ZBTB20: variants seen among roughly 807,000 people sequenced by gnomAD.
The protein encoded by ZBTB20 is zinc finger and BTB domain containing 20, also known as zinc finger and BTB domain-containing protein 20.
Under a neutral mutation model 56.9 loss-of-function variants are expected in ZBTB20, and 9 were observed. The ratio of observed to expected loss-of-function variants is 0.16; its 90% confidence interval spans 0.10 to 0.28. The LOEUF is 0.28. Ranked by LOEUF, ZBTB20 falls within the 10% of genes least tolerant of loss-of-function variation. ZBTB20 has a pLI of 1.00. For synonymous variants in ZBTB20, 417 were observed against 420.7 expected (o/e 0.99, Z 0.11); for missense variants, 655 against 1,003.0 (o/e 0.65, Z 4.69).
chr3:114,494,189 G>T (rs913756380), intron 7 of ZBTB20, among the ~76,000 whole-genome samples: 8 of 152,264 alleles, frequency 5.3e-5, no homozygotes, highest in Middle Eastern at 3.4e-3. Context: ...ATTATTAGTT[G>T]AACAAGAAAC....
intron 2 of ZBTB20, among the ~76,000 whole-genome samples, chr3:115,040,700 C>T (rs756105444): frequency 1.3e-4 from 20 of 152,030 alleles, no homozygotes; most frequent in Non-Finnish European, 2.8e-4. Flanking sequence ...ATCTTGGGCA[C>T]AAAGAAATGT....
chr3:114,885,891 T>G (rs982663101), intron 4 of ZBTB20, among the ~76,000 whole-genome samples: 1 of 152,214 alleles, frequency 6.6e-6, no homozygotes, highest in Non-Finnish European at 1.5e-5. Context: ...CTGGTTCTGA[T>G]TAATTAATAT....
intron 7 of ZBTB20, among the ~76,000 whole-genome samples, chr3:114,408,923 C>T (rs1425045153): frequency 3.3e-5 from 5 of 152,024 alleles, no homozygotes; most frequent in African/African-American, 7.2e-5. Context: ...GGGAGAGCAG[C>T]GCTCGTCCGC....
intron 2 of ZBTB20, among the ~76,000 whole-genome samples, chr3:115,002,222 A>T (rs921623586): frequency 4.0e-5 from 6 of 151,684 alleles, no homozygotes; most frequent in African/African-American, 1.4e-4. Context: ...ACAAAATTTA[A>T]CTCAAAATAA....
chr3:114,564,531 A>T (rs894580998), intron 6 of ZBTB20, among the ~76,000 whole-genome samples: 6 of 152,182 alleles, frequency 3.9e-5, no homozygotes, highest in Non-Finnish European at 8.8e-5. Context: ...ACAACTCTCC[A>T]GTTTCTCTTC....
intron 6 of ZBTB20, among the ~76,000 whole-genome samples, chr3:114,515,027 G>C (rs1400681788): frequency 3.3e-5 from 5 of 152,158 alleles, no homozygotes; most frequent in African/African-American, 9.7e-5. Flanking sequence ...CCTTAAATTA[G>C]TGGCAAGTTA....
At chr3:115,098,634 A>G (rs1465074831) in intron 1 of ZBTB20, among the ~76,000 whole-genome samples, 1 of 152,222 alleles carries the variant, frequency 6.6e-6, no homozygotes, top group African/African-American at 2.4e-5. Flanking sequence ...TGAAAGTCTC[A>G]GAATTAATTT....
At chr3:114,535,942 C>G (rs2048410271) in intron 6 of ZBTB20, among the ~76,000 whole-genome samples, 1 of 152,182 alleles carries the variant, frequency 6.6e-6, no homozygotes. Flanking sequence ...TGATAAAATT[C>G]AACACCGCTT....
chr3:114,890,588 C>T (rs1378809693), intron 4 of ZBTB20, among the ~76,000 whole-genome samples: 1 of 152,036 alleles, frequency 6.6e-6, no homozygotes, highest in African/African-American at 2.4e-5. Flanking sequence ...ACATCACACA[C>T]CGGGCCTGTC....
At chr3:114,623,051 G>A (rs1288556935) in intron 6 of ZBTB20, among the ~76,000 whole-genome samples, 2 of 151,972 alleles carry the variant, frequency 1.3e-5, no homozygotes, top group African/African-American at 4.8e-5. Flanking sequence ...TTTTTGTTTC[G>A]TCTTTTGTTT....
At chr3:114,653,972 A>ACTG (rs2108019086) in intron 6 of ZBTB20, among the ~76,000 whole-genome samples, 1 of 152,058 alleles carries the variant, frequency 6.6e-6, no homozygotes, top group Non-Finnish European at 1.5e-5. Flanking sequence ...ATCTCTCATT[A>ACTG]CTGATATTCA....
intron 4 of ZBTB20, among the ~76,000 whole-genome samples, chr3:114,849,377 C>T (rs1016173115): frequency 6.6e-6 from 1 of 152,116 alleles, no homozygotes; most frequent in Non-Finnish European, 1.5e-5. Context: ...ATAAAATTGG[C>T]TCTATATAAG....
At chr3:115,128,629 A>C (rs1437764617) in intron 1 of ZBTB20, among the ~76,000 whole-genome samples, 1 of 150,792 alleles carries the variant, frequency 6.6e-6, no homozygotes, top group Admixed American at 6.6e-5. Context: ...ACGCCACTGC[A>C]CTCCATCCTG....
chr3:115,007,045 A>G (rs1036226606), intron 2 of ZBTB20, among the ~76,000 whole-genome samples: 5 of 151,826 alleles, frequency 3.3e-5, no homozygotes, highest in South Asian at 2.1e-4. Flanking sequence ...GAATAGGAGT[A>G]TTTGTTATTT....
intron 1 of ZBTB20, among the ~76,000 whole-genome samples, chr3:115,080,395 C>A (rs1307127759): frequency 6.6e-6 from 1 of 152,040 alleles, no homozygotes; most frequent in East Asian, 1.9e-4. Context: ...CCTTGGGCTA[C>A]CACAAACAAT....
chr3:114,569,674 C>T (rs141696165), intron 6 of ZBTB20, among the ~76,000 whole-genome samples: 16 of 152,320 alleles, frequency 1.1e-4, no homozygotes, highest in African/African-American at 3.8e-4. Context: ...CTACAACCTG[C>T]ATACACTACT....
chr3:114,645,068 G>T (rs1215470397), intron 6 of ZBTB20, among the ~76,000 whole-genome samples: 3 of 151,776 alleles, frequency 2.0e-5, no homozygotes, highest in African/African-American at 7.3e-5. Context: ...CACACACTAT[G>T]AGCTCCACGA....
intron 7 of ZBTB20, among the ~76,000 whole-genome samples, chr3:114,392,197 C>T (rs745464470): frequency 8.6e-5 from 13 of 152,034 alleles, no homozygotes; most frequent in African/African-American, 2.9e-4. Flanking sequence ...AGAATGAATA[C>T]GACCTACTAT....
chr3:114,986,462 T>A (rs568526164), intron 2 of ZBTB20, among the ~76,000 whole-genome samples: 2 of 152,288 alleles, frequency 1.3e-5, no homozygotes, highest in African/African-American at 4.8e-5. Flanking sequence ...GATTTGTTTA[T>A]AATAAACTCA....
Sources: allele counts gnomAD v4.1 joint callset (sites outside exome capture counted in the v4.1 genomes callset), GRCh38; gene constraint gnomAD v4.1.1; transcripts MANE v1.5; gene names NCBI Gene and HGNC (gene_info 2026-07-23, HGNC 2026-07-21).